PEAK1: variants seen among roughly 807,000 people sequenced by gnomAD.
The protein encoded by PEAK1 is pseudopodium enriched atypical kinase 1.
In PEAK1, 54 loss-of-function variants were observed where a neutral mutation model predicts 124.7. The ratio of observed to expected loss-of-function variants is 0.43; its 90% confidence interval spans 0.35 to 0.54. The LOEUF is 0.54. PEAK1 is among the 20% of genes least tolerant of loss of function. The pLI, the probability that PEAK1 is intolerant of heterozygous loss-of-function variation, is 0.01. For missense variants in PEAK1, 2,046 were observed against 2,134.5 expected (o/e 0.96, Z 0.82); for synonymous variants, 719 against 760.0 (o/e 0.95, Z 0.89).
intron 5 of PEAK1, among the ~76,000 whole-genome samples, chr15:77,259,546 A>C (rs1048454048): frequency 9.2e-5 from 14 of 152,222 alleles, no homozygotes; most frequent in Non-Finnish European, 8.8e-5. Context: ...GTTAGGAAAC[A>C]ATTTCTTGGG....
In PEAK1 at chr15:77,410,836, G is replaced by GC. The variant is rs1300964689; in HGVS notation, c.-666+9169dup. Among the ~76,000 whole-genome samples the GC allele has an allele frequency of 3.3e-5, 5 of 152,008 alleles. 1 individual carries two copies. Reference sequence around the variant, plus strand: ...TAAGAATGGAATCCTGCAATTACCTGCCCCCTATCCTACAAAGTAGATACA... The same window carrying GC: ...TAAGAATGGAATCCTGCAATTACCTGCCCCCCTATCCTACAAAGTAGATACA... On this transcript the variant is annotated intron_variant, in intron 1 of 9. Transcript: ENST00000682557.
chr15:77,298,826 C>A, intron 2 of PEAK1, among the ~76,000 whole-genome samples: 1 of 152,080 alleles, frequency 6.6e-6, no homozygotes, highest in East Asian at 1.9e-4. Flanking sequence ...AAAAACTGTC[C>A]CTTCTCTCCG....
rs745791953 is a variant in PEAK1, at chr15:77,180,224, G to A, written c.1703C>T (p.Ser568Leu). The change falls in exon 7 of 10, where the codon TCA becomes TTA. Residue 568 changes from serine to leucine, a missense_variant. By Grantham distance (145) the Ser-to-Leu change is moderately radical. Coordinates refer to ENST00000682557, the MANE Select transcript of PEAK1 (RefSeq NM_001385026.1). ...TGTAGCTGTGGGTGATGTAGGTGCT[G>A]ATTTGTGACAGTTTTTCCTTGGAGG... Reference protein sequence around the residue: ...NVPPRKNCHKSAPTSPTATNI... With the variant: ...NVPPRKNCHKLAPTSPTATNI... 1 of 1,614,222 alleles carries A rather than the reference G, an allele frequency of 6.2e-7. No individual in the cohort carries two copies. The highest frequency in any genetic ancestry group is 8.5e-7 in the Non-Finnish European group (1 of 1,180,032).
intron 6 of PEAK1, among the ~76,000 whole-genome samples, chr15:77,218,631 GT>G (rs1301903838): frequency 6.6e-6 from 1 of 151,574 alleles, no homozygotes; most frequent in Non-Finnish European, 1.5e-5. Flanking sequence ...GAATACAGTG[GT>G]TATTCACAGG....
intron 6 of PEAK1, among the ~76,000 whole-genome samples, chr15:77,220,242 G>A (rs1230617616): frequency 2.0e-5 from 3 of 152,012 alleles, no homozygotes. Context: ...TTTGGTTTTA[G>A]AGAGTTGATT....
In PEAK1 at chr15:77,180,864, C is replaced by T; in HGVS notation, c.1063G>A (p.Glu355Lys). Reference sequence around the variant, plus strand: ...TTCTGGGATAAACTACTGGCTGTCTCAGAACGTGATTCTTCTGTTAAAGAA... The same window carrying T: ...TTCTGGGATAAACTACTGGCTGTCTTAGAACGTGATTCTTCTGTTAAAGAA... Reference protein sequence around the residue: ...DSSLTEESRSETASSLSQKIC... With the variant: ...DSSLTEESRSKTASSLSQKIC... Residue 355 changes from glutamate to lysine, a missense_variant, in exon 7 of 10, where the codon GAG becomes AAG. By Grantham distance (56) the Glu-to-Lys change is moderately conservative. Coordinates refer to ENST00000682557, the MANE Select transcript of PEAK1 (RefSeq NM_001385026.1). 1 of 1,613,980 alleles carries T rather than the reference C, an allele frequency of 6.2e-7. No individual in the cohort carries two copies.
At chr15:77,292,994 T>C (rs1460937557) in intron 2 of PEAK1, among the ~76,000 whole-genome samples, 1 of 152,138 alleles carries the variant, frequency 6.6e-6, no homozygotes, top group Non-Finnish European at 1.5e-5. Context: ...AAGCTCATCA[T>C]ATGCCCTTAT....
upstream of PEAK1, chr15:77,420,541 T>C: frequency 4.5e-6 from 1 of 221,766 alleles, no homozygotes; most frequent in Non-Finnish European, 8.8e-6. Flanking sequence ...TCAGCCGTCA[T>C]CGAATACAGA....
chr15:77,129,342 T>G (rs1035908971), intron 9 of PEAK1, among the ~76,000 whole-genome samples: 1 of 152,230 alleles, frequency 6.6e-6, no homozygotes, highest in Non-Finnish European at 1.5e-5. Flanking sequence ...TTGAGCAAAC[T>G]AAAATAACAT....
intron 6 of PEAK1, among the ~76,000 whole-genome samples, chr15:77,230,201 A>C (rs2059848556): frequency 1.1e-5 from 1 of 94,672 alleles, no homozygotes; most frequent in Non-Finnish European, 2.7e-5. Context: ...CATTTGAGAT[A>C]AGTCTTTTTT....
intron 8 of PEAK1, among the ~76,000 whole-genome samples, chr15:77,149,705 T>C (rs956050622): frequency 1.3e-5 from 2 of 152,086 alleles, no homozygotes; most frequent in African/African-American, 4.8e-5. Context: ...GTCAAGTATA[T>C]AGACACTTGA....
chr15:77,260,988 C>T lies in PEAK1; in HGVS notation c.-274-8462G>A, dbSNP rs184720429. Among the ~76,000 whole-genome samples, 85 of 152,316 alleles carry T rather than the reference C, an allele frequency of 5.6e-4. 2 individuals are homozygous for T. In the East Asian group the frequency reaches 0.012, roughly 21 times the overall value. ...CCAATATCTGCTGTTGTGCAGCCTCCGCTGCTGATACCCAGGCAAACAGCA... is the reference window on the plus strand; with the variant it reads ...CCAATATCTGCTGTTGTGCAGCCTCTGCTGCTGATACCCAGGCAAACAGCA... On this transcript the variant is annotated intron_variant, in intron 5 of 9. Transcript: ENST00000682557.
At chr15:77,343,960 A>C (rs2066710251) in intron 2 of PEAK1, among the ~76,000 whole-genome samples, 1 of 152,144 alleles carries the variant, frequency 6.6e-6, no homozygotes. Flanking sequence ...CTCCAACTTC[A>C]TTCTTTTTTC....
rs575091945 is a variant in PEAK1 at position 77,263,151 on chromosome 15, A to G, written c.-274-10625T>C. Among the ~76,000 whole-genome samples the G allele has an allele frequency of 2.4e-3, 366 of 152,298 alleles. 2 individuals carry two copies. The highest frequency in any genetic ancestry group is 8.2e-3 in the African/African-American group (339 of 41,586). On this transcript the variant is annotated intron_variant, in intron 5 of 9. Transcript: ENST00000682557. ...CACTAAATGCCCACAAGAGAAACCA[A>G]GAAAGATCTAAAATTGACACCATAA...
chr15:77,212,573 C>T (rs1315349849), intron 6 of PEAK1, among the ~76,000 whole-genome samples: 3 of 152,220 alleles, frequency 2.0e-5, no homozygotes, highest in South Asian at 2.1e-4. Context: ...ACAGACATAC[C>T]GGAGACTCAT....
At chr15:77,277,524 G>A (rs1380978410) in intron 5 of PEAK1, among the ~76,000 whole-genome samples, 2 of 152,020 alleles carry the variant, frequency 1.3e-5, no homozygotes, top group East Asian at 1.9e-4. Flanking sequence ...GGGGAAACTC[G>A]GTGAATGGTA....
intron 1 of PEAK1, among the ~76,000 whole-genome samples, chr15:77,373,888 A>G (rs1450364386): frequency 3.3e-5 from 5 of 152,192 alleles, no homozygotes; most frequent in African/African-American, 4.8e-5. Context: ...GACAATGATC[A>G]GTGATCAGAC....
chr15:77,171,654 T>C (rs1039619337), intron 7 of PEAK1, among the ~76,000 whole-genome samples: 3 of 152,168 alleles, frequency 2.0e-5, no homozygotes, highest in East Asian at 3.8e-4. Context: ...CATTATTATA[T>C]AGTTTCAGAT....
At chr15:77,216,141 A>G (rs2059139727) in intron 6 of PEAK1, among the ~76,000 whole-genome samples, 1 of 152,200 alleles carries the variant, frequency 6.6e-6, no homozygotes, top group Non-Finnish European at 1.5e-5. Context: ...GAGGATTGCC[A>G]TCTTAACAAT....
Sources: gnomAD v4.1 joint callset for allele counts (sites outside exome capture counted in the v4.1 genomes callset) on GRCh38, gnomAD v4.1.1 for gene constraint, MANE v1.5 for transcripts, NCBI Gene and HGNC (gene_info 2026-07-23, HGNC 2026-07-21) for gene names.